The following RUVBL1 variants were observed in gnomAD, a reference collection of about 807,000 sequenced individuals.
RUVBL1 encodes the protein RuvB like AAA ATPase 1.
A neutral mutation model predicts 52.4 loss-of-function variants in RUVBL1; 4 were observed. That is an observed-to-expected ratio of 0.08 (90% CI 0.04 to 0.17). The LOEUF (loss-of-function observed/expected upper bound fraction) is 0.17. RUVBL1 is among the 10% of genes least tolerant of loss of function. The pLI is 1.00. For missense variants in RUVBL1, 298 were observed against 572.8 expected (o/e 0.52, Z 4.90); for synonymous variants, 217 against 214.4 (o/e 1.01, Z -0.10).
chr3:128,095,215 G>C (rs958230629), intron 8 of RUVBL1, among the ~76,000 whole-genome samples: 1 of 152,176 alleles, frequency 6.6e-6, no homozygotes, highest in African/African-American at 2.4e-5. Flanking sequence ...ATGGGACTGA[G>C]AGACCTTACT....
intron 1 of RUVBL1, among the ~76,000 whole-genome samples, chr3:128,132,171 C>G (rs1943886485): frequency 6.6e-6 from 1 of 152,196 alleles, no homozygotes; most frequent in Non-Finnish European, 1.5e-5. Context: ...ATTCAACCAG[C>G]ACCCACGGAG....
intron 1 of RUVBL1, among the ~76,000 whole-genome samples, chr3:128,120,121 C>T (rs182301901): frequency 5.3e-5 from 8 of 152,284 alleles, no homozygotes; most frequent in Non-Finnish European, 7.3e-5. Flanking sequence ...CAGGGATAGA[C>T]GCCAGGGGCC....
chr3:128,153,345 G>T, exon 1 of RUVBL1: 2 of 1,380,422 alleles, frequency 1.4e-6, no homozygotes, highest in Non-Finnish European at 1.9e-6. Context: ...GGAGCACGGC[G>T]CTCGGCTGTG....
intron 1 of RUVBL1, among the ~76,000 whole-genome samples, chr3:128,129,884 A>G (rs1012410952): frequency 1.3e-5 from 2 of 152,202 alleles, no homozygotes; most frequent in African/African-American, 2.4e-5. Flanking sequence ...AGCTAATTCA[A>G]TTGGTGCAGG....
At chr3:128,140,538 G>C (rs1944007657) in intron 1 of RUVBL1, among the ~76,000 whole-genome samples, 1 of 152,104 alleles carries the variant, frequency 6.6e-6, no homozygotes, top group African/African-American at 2.4e-5. Flanking sequence ...GTGGTACAAA[G>C]TCATAAAAGT....
At chr3:128,068,148 TA>T (rs1347712613) in intron 9 of RUVBL1, 1 of 909,484 alleles carries the variant, frequency 1.1e-6, no homozygotes, top group African/African-American at 1.7e-5. Context: ...CCCTAGCACT[TA>T]CTGGGTCACT....
At chr3:128,090,667 A>G (rs955686047) in intron 8 of RUVBL1, among the ~76,000 whole-genome samples, 1 of 152,282 alleles carries the variant, frequency 6.6e-6, no homozygotes, top group African/African-American at 2.4e-5. Flanking sequence ...ATGAAATTCT[A>G]TCATGATTCA....
intron 5 of RUVBL1, 107 bp from the exon 6 acceptor site, chr3:128,100,851 C>T: frequency 7.6e-7 from 1 of 1,312,006 alleles, no homozygotes; most frequent in Non-Finnish European, 1.1e-6. Context: ...GCAGGCCTGA[C>T]AGCCTACTTG....
intron 3 of RUVBL1, among the ~76,000 whole-genome samples, 190 bp from the exon 4 acceptor site, chr3:128,105,114 T>C (rs1485514807): frequency 6.8e-6 from 1 of 147,266 alleles, no homozygotes; most frequent in African/African-American, 2.6e-5. Context: ...AATGCAACTT[T>C]TTTTTTTTTT....
At chr3:128,120,175 T>C (rs187005150) in intron 1 of RUVBL1, among the ~76,000 whole-genome samples, 3 of 152,324 alleles carry the variant, frequency 2.0e-5, no homozygotes, top group East Asian at 1.9e-4. Flanking sequence ...TTTATGTTCA[T>C]ATATACATTT....
chr3:128,153,680 T>C (rs1246560753), exon 1 of RUVBL1: 3 of 1,594,574 alleles, frequency 1.9e-6, no homozygotes, highest in African/African-American at 2.7e-5. Flanking sequence ...TGCTTCTCGG[T>C]GCCGCTGCCC....
At chr3:128,124,066 G>A (rs1247259468), upstream of RUVBL1, among the ~76,000 whole-genome samples, 3 of 152,170 alleles carry the variant, frequency 2.0e-5, no homozygotes, top group Admixed American at 1.3e-4. Context: ...TGGCCCCCGG[G>A]TACCACTCCT....
At chr3:128,152,995 C>CGT (rs1944271215) in intron 1 of RUVBL1, among the ~76,000 whole-genome samples, 1 of 33,828 alleles carries the variant, frequency 3.0e-5, no homozygotes. Flanking sequence ...CCCACCCCGC[C>CGT]CCCCCCGCCC....
At chr3:128,066,976 T>C in intron 9 of RUVBL1, 1 of 1,614,160 alleles carries the variant, frequency 6.2e-7, no homozygotes, top group Non-Finnish European at 8.5e-7. Context: ...GACCTGCCAA[T>C]CAAGTCGGCC....
intron 1 of RUVBL1, among the ~76,000 whole-genome samples, chr3:128,121,131 T>C (rs946225216): frequency 3.3e-5 from 5 of 152,046 alleles, no homozygotes; most frequent in Non-Finnish European, 7.4e-5. Context: ...GGAGTCTCGC[T>C]GTCACCCGGG....
At chr3:128,118,278 G>GA (rs1943571282) in intron 2 of RUVBL1, among the ~76,000 whole-genome samples, 1 of 151,910 alleles carries the variant, frequency 6.6e-6, no homozygotes, top group African/African-American at 2.4e-5. Flanking sequence ...TATAGGAAGA[G>GA]AAAAAACTGT....
At chr3:128,152,138 A>C (rs1470249630) in intron 1 of RUVBL1, among the ~76,000 whole-genome samples, 2 of 152,116 alleles carry the variant, frequency 1.3e-5, no homozygotes, top group East Asian at 3.9e-4. Flanking sequence ...GCAGACACTT[A>C]GGTTTGTTAC....
At chr3:128,113,627 T>A (rs1576469399) in intron 2 of RUVBL1, among the ~76,000 whole-genome samples, 1 of 152,366 alleles carries the variant, frequency 6.6e-6, no homozygotes, top group East Asian at 1.9e-4. Flanking sequence ...ATTGTATTTT[T>A]AAGTATGTAT....
intron 1 of RUVBL1, among the ~76,000 whole-genome samples, chr3:128,152,893 C>CCCGCCCCCCCCCGCCCCCCATCCT (rs1944252016): frequency 3.4e-5 from 1 of 29,770 alleles, no homozygotes; most frequent in African/African-American, 1.4e-4. Flanking sequence ...CCCCCTCCCC[C>CCCGCCCCCCCCCGCCCCCCATCCT]ACGTCCCCCC....
Sources: allele counts gnomAD v4.1 joint callset (sites outside exome capture counted in the v4.1 genomes callset), GRCh38; gene constraint gnomAD v4.1.1; transcripts MANE v1.5; gene names NCBI Gene and HGNC (gene_info 2026-07-23, HGNC 2026-07-21).